ST7: variants seen among roughly 807,000 people sequenced by gnomAD.
The protein encoded by ST7 is suppressor of tumorigenicity 7 protein.
Under a neutral mutation model 78.7 loss-of-function variants are expected in ST7, and 28 were observed. The observed-to-expected ratio is 0.36, with a 90% CI of 0.26 to 0.49. The LOEUF (loss-of-function observed/expected upper bound fraction) is 0.49, where lower values mean the gene tolerates loss of function less well. Among genes scored for constraint, ST7 ranks in the 20% least tolerant of loss-of-function variants. The pLI is 0.99. For missense variants in ST7, 418 were observed against 696.0 expected (o/e 0.60, Z 4.49); for synonymous variants, 247 against 249.6 (o/e 0.99, Z 0.10).
At chr7:116,969,574 G>T (rs1793310702) in intron 1 of ST7, among the ~76,000 whole-genome samples, 1 of 152,188 alleles carries the variant, frequency 6.6e-6, no homozygotes. Context: ...CTCATACTGT[G>T]CTCTTGGGAA....
chr7:116,999,203 A>T (rs1016541243), intron 1 of ST7, among the ~76,000 whole-genome samples: 86 of 152,302 alleles, frequency 5.6e-4, no homozygotes, highest in Admixed American at 3.9e-4. Flanking sequence ...TAGGCCTCCT[A>T]ATAAGCTTAG....
intron 1 of ST7, among the ~76,000 whole-genome samples, chr7:117,099,391 T>C (rs1389686831): frequency 6.6e-6 from 1 of 152,208 alleles, no homozygotes; most frequent in African/African-American, 2.4e-5. Flanking sequence ...GGGACTCTGA[T>C]GTGCAGGTCC....
rs747033623 is a variant in ST7, at chr7:116,953,631, G to C, written c.91G>C (p.Val31Leu). Residue 31 changes from valine (V) to leucine (L), a missense_variant, in exon 1 of 16, where the codon GTG (valine) becomes CTG (leucine). This residue lies in a region of ST7 where 71 missense variants were observed against 61.5 expected (regional missense o/e 1.16). Transcript: ENST00000323984. ...TCTGTGGACCGTGTGGTTCTTCATC[G>C]TGCTATTCCTGGTCTACATCCTGCG... ...TYLWTVWFFI[V>L]LFLVYILRVP... 1 of 1,509,742 alleles carries C rather than the reference G, an allele frequency of 6.6e-7. No individual in the cohort carries two copies. The highest frequency in any genetic ancestry group is 9.0e-7 in the Non-Finnish European group (1 of 1,116,890). The allele number at this position is 1,509,742 out of a possible 1,614,324, so 93.5% of individuals were successfully genotyped here. A position where few individuals can be genotyped will look rare whatever the true frequency, so the allele number is the denominator to read the frequency against.
chr7:116,977,771 C>G (rs1793770350), intron 1 of ST7, among the ~76,000 whole-genome samples: 1 of 152,178 alleles, frequency 6.6e-6, no homozygotes, highest in African/African-American at 2.4e-5. Flanking sequence ...TCAGGATGGT[C>G]TCGATCTCTT....
chr7:116,958,352 C>A (rs1414833068), intron 1 of ST7, among the ~76,000 whole-genome samples: 1 of 151,880 alleles, frequency 6.6e-6, no homozygotes, highest in African/African-American at 2.4e-5. Context: ...ATGTAAAACT[C>A]TTATATTGTT....
At chr7:116,970,684 C>T (rs949848923) in intron 1 of ST7, among the ~76,000 whole-genome samples, 1 of 152,198 alleles carries the variant, frequency 6.6e-6, no homozygotes, top group Non-Finnish European at 1.5e-5. Flanking sequence ...TTTGGAGTGA[C>T]ACAAATATTC....
chr7:117,041,046 T>C (rs994476328), intron 1 of ST7, among the ~76,000 whole-genome samples: 3 of 152,140 alleles, frequency 2.0e-5, no homozygotes, highest in Non-Finnish European at 4.4e-5. Context: ...CTTTGTAGAA[T>C]GTTTAAGGAT....
At chr7:117,049,916 C>G (rs1252610169) in intron 1 of ST7, among the ~76,000 whole-genome samples, 2 of 152,042 alleles carry the variant, frequency 1.3e-5, no homozygotes, top group African/African-American at 2.4e-5. Flanking sequence ...GAAAAATATG[C>G]CAGACCTGGC....
chr7:117,090,792 CAGATCGTCTG>C (rs1359621906), intron 1 of ST7: 2 of 167,176 alleles, frequency 1.2e-5, no homozygotes, highest in African/African-American at 4.8e-5. Context: ...TAAAAGGGAA[CAGATCGTCTG>C]AGATCTTGCT....
chr7:117,038,274 C>T (rs1797000741), intron 1 of ST7, among the ~76,000 whole-genome samples: 1 of 152,158 alleles, frequency 6.6e-6, no homozygotes, highest in Non-Finnish European at 1.5e-5. Flanking sequence ...ACTACTTTTT[C>T]TCTGTTGGGT....
chr7:117,224,359 AC>A (rs1224597478), intron 15 of ST7, among the ~76,000 whole-genome samples: 1 of 152,038 alleles, frequency 6.6e-6, no homozygotes, highest in African/African-American at 2.4e-5. Context: ...TGATTTCTAC[AC>A]CCATTATCAC....
chr7:117,021,703 T>C (rs758945272), intron 1 of ST7, among the ~76,000 whole-genome samples: 2 of 152,202 alleles, frequency 1.3e-5, no homozygotes, highest in South Asian at 4.1e-4. Flanking sequence ...TTTAAAAAGG[T>C]TAATTACTTT....
rs61731531 is a variant in ST7 at position 117,222,979 on chromosome 7, G to T, written c.1638+917G>T. 445 of 1,600,846 alleles carry T rather than the reference G, an allele frequency of 2.8e-4. 3 individuals carry two copies. In the African/African-American group the frequency reaches 5.2e-3, roughly 19 times the overall value. On this transcript the variant is annotated intron_variant, in intron 15 of 15. Coordinates refer to ENST00000323984, the MANE Select transcript of ST7 (RefSeq NM_001369598.1). ...CCTCAATCTCAACATTTCCAAAACTGAACTCATCACCCCTCTTCCCCCACC... is the reference window on the plus strand; with the variant it reads ...CCTCAATCTCAACATTTCCAAAACTTAACTCATCACCCCTCTTCCCCCACC...
At chr7:117,071,607 G>C (rs906074382) in intron 1 of ST7, among the ~76,000 whole-genome samples, 1 of 152,146 alleles carries the variant, frequency 6.6e-6, no homozygotes, top group African/African-American at 2.4e-5. Context: ...TCCATATCAT[G>C]GCATGTATAG....
intron 10 of ST7, among the ~76,000 whole-genome samples, chr7:117,176,526 G>C (rs1411545530): frequency 6.6e-6 from 1 of 152,192 alleles, no homozygotes; most frequent in African/African-American, 2.4e-5. Flanking sequence ...TGCAGAGTCA[G>C]CATGTAGTTA....
At chr7:117,014,868 G>T in intron 1 of ST7, 1 of 605,208 alleles carries the variant, frequency 1.7e-6, no homozygotes, top group South Asian at 7.8e-5. Context: ...GAGATAAGCA[G>T]AAGTGTGGGT....
chr7:117,206,741 C>T (rs1190736535), intron 12 of ST7, among the ~76,000 whole-genome samples: 4 of 152,130 alleles, frequency 2.6e-5, no homozygotes, highest in Admixed American at 1.3e-4. Context: ...TGTATATTTT[C>T]AGTCAGTAGC....
intron 3 of ST7, among the ~76,000 whole-genome samples, chr7:117,129,324 C>G (rs1486239347): frequency 6.6e-6 from 1 of 151,816 alleles, no homozygotes; most frequent in Non-Finnish European, 1.5e-5. Flanking sequence ...ATCATAAAAT[C>G]ACTGTTAGCA....
chr7:116,993,451 G>A (rs1172046970), intron 1 of ST7, among the ~76,000 whole-genome samples: 2 of 152,164 alleles, frequency 1.3e-5, no homozygotes, highest in Admixed American at 6.5e-5. Flanking sequence ...ACAGTATGGG[G>A]AAAACGGCCC....
Sources: allele counts gnomAD v4.1 joint callset (sites outside exome capture counted in the v4.1 genomes callset), GRCh38; gene constraint gnomAD v4.1.1; regional missense constraint gnomAD v4.1.1; transcripts MANE v1.5; gene names NCBI Gene and HGNC (gene_info 2026-07-23, HGNC 2026-07-21).